The following CAPN7 variants were observed in gnomAD, a reference collection of about 807,000 sequenced individuals.
CAPN7 encodes the protein calpain-7.
Under a neutral mutation model 115.2 loss-of-function variants are expected in CAPN7, and 72 were observed. The observed-to-expected ratio is 0.63, with a 90% CI of 0.52 to 0.76. The LOEUF is 0.76. Among genes scored for constraint, CAPN7 ranks in the 30% least tolerant of loss-of-function variants. The pLI is 0.00. For missense variants in CAPN7, 905 were observed against 971.5 expected (o/e 0.93, Z 0.91); for synonymous variants, 344 against 322.3 (o/e 1.07, Z -0.72).
intron 3 of CAPN7, 60 bp downstream of exon 3, chr3:15,217,642 G>C (rs1167126970): frequency 1.4e-6 from 2 of 1,402,092 alleles, no homozygotes; most frequent in Non-Finnish European, 9.5e-7. Context: ...TCTCTTGCTA[G>C]TGAATTTTAC....
chr3:15,217,967 A>G (rs190842406), intron 3 of CAPN7, among the ~76,000 whole-genome samples: 1 of 152,308 alleles, frequency 6.6e-6, no homozygotes, highest in Non-Finnish European at 1.5e-5. Flanking sequence ...TAAAATCTGT[A>G]TGCTGAGTGG....
At chr3:15,217,847 C>T (rs1187579457) in intron 3 of CAPN7, among the ~76,000 whole-genome samples, 7 of 152,182 alleles carry the variant, frequency 4.6e-5, no homozygotes, top group Admixed American at 2.0e-4. Context: ...AATAAACTTA[C>T]AGAATTCATT....
At chr3:15,246,620 A>G (rs571127122) in intron 17 of CAPN7, 112 bp from the exon 18 acceptor site, 32 of 749,680 alleles carry the variant, frequency 4.3e-5, no homozygotes, top group Non-Finnish European at 1.6e-5. Context: ...TAGGCTGCCT[A>G]TAATGACTTG....
chr3:15,244,004 A>G (rs1695509167), intron 16 of CAPN7, among the ~76,000 whole-genome samples: 1 of 152,242 alleles, frequency 6.6e-6, no homozygotes, highest in Admixed American at 6.5e-5. Flanking sequence ...GTTGACCTTG[A>G]TAAGAACAGG....
Position 15,240,487 on chromosome 3 carries a change from C to G in CAPN7, c.1422C>G (p.Ile474Met). 6.2e-7 allele frequency: 1 copy of G among 1,609,948 alleles called. No homozygotes were observed. The highest frequency in any genetic ancestry group is 8.5e-7 in the Non-Finnish European group (1 of 1,179,128). ...TTTTTATATAGGGGCTGCGATTTAT[C>G]CAGTTGAAAAATCCTTGGAGTCATT... ...DIREFKGLRF[I>M]QLKNPWSHLR... The change falls in exon 13 of 21, where the codon ATC becomes ATG. Residue 474 changes from isoleucine (I) to methionine (M), a missense_variant. By Grantham distance (10) the Ile-to-Met change is conservative (BLOSUM62 1). Coordinates refer to ENST00000253693, the MANE Select transcript of CAPN7 (RefSeq NM_014296.3).
intron 12 of CAPN7, among the ~76,000 whole-genome samples, chr3:15,235,817 G>A (rs1175899017): frequency 6.6e-6 from 1 of 152,132 alleles, no homozygotes; most frequent in Non-Finnish European, 1.5e-5. Flanking sequence ...TGGCCCGGGG[G>A]TTGGGGACCC....
At chr3:15,236,040 A>G (rs908694205) in intron 12 of CAPN7, among the ~76,000 whole-genome samples, 3 of 152,148 alleles carry the variant, frequency 2.0e-5, no homozygotes, top group Admixed American at 1.3e-4. Context: ...GCATGGTGCC[A>G]TATATCTATA....
At chr3:15,231,001 T>C (rs1694652715) in intron 9 of CAPN7, among the ~76,000 whole-genome samples, 1 of 152,216 alleles carries the variant, frequency 6.6e-6, no homozygotes, top group Non-Finnish European at 1.5e-5. Context: ...AACTCTGTTA[T>C]AAGGGCCTTG....
chr3:15,220,431 T>C lies in CAPN7; in HGVS notation c.438-350T>C, dbSNP rs112478544. ...GTACATTCATTTGCATGTAATACTT[T>C]CATCCTAGTATCTGTTATTTTTGAT... On this transcript the variant is annotated intron_variant, in intron 4 of 20. Coordinates refer to ENST00000253693, the MANE Select transcript of CAPN7 (RefSeq NM_014296.3). 1.1e-4 allele frequency among the ~76,000 whole-genome samples: 17 copies of C among 152,212 alleles called. 1 individual carries two copies. Among genetic ancestry groups the C allele is most frequent in the African/African-American group, 4.1e-4 (17 of 41,542 alleles).
chr3:15,207,613 T>C (rs1264836106), intron 1 of CAPN7, among the ~76,000 whole-genome samples: 1 of 151,962 alleles, frequency 6.6e-6, no homozygotes, highest in African/African-American at 2.4e-5. Context: ...ATTTTCTTTA[T>C]ATCTTTATTT....
rs781282252 is a variant in CAPN7 at position 15,233,860 on chromosome 3, G to A, written c.1180-7G>A. On this transcript the variant is annotated splice_polypyrimidine_tract_variant and splice_region_variant and intron_variant, in intron 10 of 20. Transcript: ENST00000253693. Reference sequence around the variant, plus strand: ...ACTGGCAGTCCTGAAATGTGTTTCTGTTGCAGAATATTGATCTTCATGCAC... The same window carrying A: ...ACTGGCAGTCCTGAAATGTGTTTCTATTGCAGAATATTGATCTTCATGCAC... 1 of 1,518,318 alleles carries A rather than the reference G, an allele frequency of 6.6e-7. No homozygotes were observed. Among genetic ancestry groups the A allele is most frequent in the Non-Finnish European group, 9.1e-7 (1 of 1,094,696 alleles). 94.1% of individuals were successfully genotyped at this position (1,518,318 alleles called of 1,614,324 possible). A position where few individuals can be genotyped will look rare whatever the true frequency, so the allele number is the denominator to read the frequency against.
chr3:15,240,670 T>TTAA, intron 13 of CAPN7, 53 bp downstream of exon 13: 1 of 1,555,254 alleles, frequency 6.4e-7, no homozygotes, highest in South Asian at 1.2e-5. Context: ...AAAAAACATG[T>TTAA]TTTAACAAGA....
chr3:15,236,349 GGTT>G (rs1244944302), intron 12 of CAPN7, among the ~76,000 whole-genome samples: 1 of 152,104 alleles, frequency 6.6e-6, no homozygotes, highest in Admixed American at 6.5e-5. Flanking sequence ...TTACTTCTGA[GGTT>G]GTTGTTATTT....
chr3:15,226,708 T>G (rs1459016954), intron 6 of CAPN7, among the ~76,000 whole-genome samples: 1 of 152,190 alleles, frequency 6.6e-6, no homozygotes, highest in Non-Finnish European at 1.5e-5. Context: ...ATATGCCATA[T>G]TCTATTTTAA....
intron 4 of CAPN7, among the ~76,000 whole-genome samples, 157 bp downstream of exon 4, chr3:15,218,697 C>A (rs749727098): frequency 6.6e-6 from 1 of 152,246 alleles, no homozygotes; most frequent in Non-Finnish European, 1.5e-5. Flanking sequence ...AATTTACCTC[C>A]TCTCTCTAGT....
intron 10 of CAPN7, 93 bp downstream of exon 10, chr3:15,232,758 T>C (rs1694768918): frequency 4.5e-6 from 5 of 1,116,148 alleles, no homozygotes; most frequent in Admixed American, 5.5e-5. Context: ...TTTTTGTTTA[T>C]AGGGAAAGAG....
rs533154523 is a variant in CAPN7, at chr3:15,234,728, A to G, written c.1287-297A>G. Among the ~76,000 whole-genome samples, 4 of 152,330 alleles carry G rather than the reference A, an allele frequency of 2.6e-5. No homozygotes were observed. In the East Asian group the frequency reaches 7.7e-4, roughly 29 times the overall value. ...AATAAAATGATATGCCTGTTTGGGA[A>G]ATGCCTGTGGTATTTCACGTCTTTA... On this transcript the variant is annotated intron_variant, in intron 11 of 20. Coordinates refer to ENST00000253693, the MANE Select transcript of CAPN7 (RefSeq NM_014296.3).
chr3:15,238,762 A>G (rs1210406447), intron 12 of CAPN7, among the ~76,000 whole-genome samples: 2 of 151,458 alleles, frequency 1.3e-5, no homozygotes, highest in Non-Finnish European at 2.9e-5. Flanking sequence ...GACAGGTGTT[A>G]TCATAGAATT....
intron 9 of CAPN7, 92 bp from the exon 10 acceptor site, chr3:15,232,427 T>C (rs1389791054): frequency 5.1e-6 from 5 of 971,298 alleles, no homozygotes; most frequent in Non-Finnish European, 6.1e-6. Flanking sequence ...GCGTTATATT[T>C]TATCAGTATG....
Sources: gnomAD v4.1 joint callset for allele counts (sites outside exome capture counted in the v4.1 genomes callset) on GRCh38, gnomAD v4.1.1 for gene constraint, MANE v1.5 for transcripts, NCBI Gene and HGNC (gene_info 2026-07-23, HGNC 2026-07-21) for gene names.